TMEM165: variants seen among roughly 807,000 people sequenced by gnomAD.
TMEM165 encodes transmembrane protein 165, also known as putative divalent cation/proton antiporter TMEM165.
A neutral mutation model predicts 30.0 loss-of-function variants in TMEM165; 19 were observed. That is an observed-to-expected ratio of 0.63 (90% CI 0.44 to 0.93). TMEM165 has a LOEUF of 0.93. TMEM165 is among the 40% of genes least tolerant of loss of function. The pLI, the probability that TMEM165 is intolerant of heterozygous loss-of-function variation, is 0.00. For synonymous variants in TMEM165, 168 were observed against 162.9 expected (o/e 1.03, Z -0.24); for missense variants, 340 against 417.0 (o/e 0.82, Z 1.61).
intron 3 of TMEM165, chr4:55,450,142 A>G: frequency 5.6e-6 from 9 of 1,614,076 alleles, no homozygotes; most frequent in Non-Finnish European, 7.6e-6. Flanking sequence ...CTCCGAGAAG[A>G]GGCAGAAGGG....
At chr4:55,436,389 T>C (rs1722878209) in intron 3 of TMEM165, among the ~76,000 whole-genome samples, 1 of 152,196 alleles carries the variant, frequency 6.6e-6, no homozygotes, top group Admixed American at 6.5e-5. Flanking sequence ...AAGACTCAAA[T>C]AGATGAGCCT....
downstream of TMEM165, chr4:55,430,799 GA>G (rs1361488332): frequency 6.6e-6 from 1 of 152,134 alleles, no homozygotes; most frequent in Non-Finnish European, 1.5e-5. Context: ...CTAGACCTCT[GA>G]AAAATAAACA....
At chr4:55,403,395 GA>G (rs1721118099) in intron 1 of TMEM165, 1 of 864,266 alleles carries the variant, frequency 1.2e-6, no homozygotes, top group Non-Finnish European at 1.5e-6. Flanking sequence ...TCTAGAACTA[GA>G]AAAGGAATTA....
At chr4:55,453,008 T>C (rs369305240) in exon 4 of TMEM165, 217 of 1,318,142 alleles carry the variant, frequency 1.6e-4, no homozygotes, top group Non-Finnish European at 2.0e-4. Flanking sequence ...TCATCTTTTA[T>C]TGGGGAGAAA....
At chr4:55,450,500 G>C (rs1228858262) in intron 3 of TMEM165, among the ~76,000 whole-genome samples, 1 of 152,182 alleles carries the variant, frequency 6.6e-6, no homozygotes, top group Non-Finnish European at 1.5e-5. Flanking sequence ...AGGTGTGGTG[G>C]CTTACACCTG....
intron 2 of TMEM165, among the ~76,000 whole-genome samples, chr4:55,412,308 C>T (rs547448493): frequency 2.2e-5 from 3 of 138,032 alleles, no homozygotes; most frequent in Non-Finnish European, 3.1e-5. Flanking sequence ...GCAGGAGAAT[C>T]GCTTGAACCC....
chr4:55,448,594 A>C (rs4864991), intron 3 of TMEM165, among the ~76,000 whole-genome samples: 1 of 81,342 alleles, frequency 1.2e-5, no homozygotes, highest in African/African-American at 4.5e-5. Context: ...GCGCGCGCGC[A>C]CGCGCGCGTG....
chr4:55,448,970 T>C, intron 3 of TMEM165: 1 of 941,976 alleles, frequency 1.1e-6, no homozygotes, highest in South Asian at 1.4e-5. Context: ...AAACTTACCA[T>C]TTGCCTCATA....
intron 3 of TMEM165, chr4:55,435,064 C>T: frequency 3.0e-6 from 1 of 338,146 alleles, no homozygotes; most frequent in Non-Finnish European, 5.8e-6. Context: ...GGCACAGAAC[C>T]ACTAAAAGTT....
At chr4:55,406,455 G>C (rs1721271046) in intron 1 of TMEM165, among the ~76,000 whole-genome samples, 1 of 152,090 alleles carries the variant, frequency 6.6e-6, no homozygotes, top group South Asian at 2.1e-4. Context: ...CCTGTTTCTT[G>C]AGACGTGGTG....
chr4:55,445,934 G>A (rs1179892344), intron 3 of TMEM165, among the ~76,000 whole-genome samples: 3 of 151,614 alleles, frequency 2.0e-5, no homozygotes, highest in Admixed American at 6.6e-5. Flanking sequence ...ACTTCTTTTA[G>A]GAGTTAATCC....
At chr4:55,450,092 G>T (rs1021759630) in intron 3 of TMEM165, 2 of 1,614,126 alleles carry the variant, frequency 1.2e-6, no homozygotes, top group Non-Finnish European at 8.5e-7. Context: ...GGTACTCACA[G>T]GAAGGGTCTG....
At chr4:55,446,329 T>TGC (rs1158418707) in intron 3 of TMEM165, among the ~76,000 whole-genome samples, 2 of 151,984 alleles carry the variant, frequency 1.3e-5, no homozygotes, top group African/African-American at 4.8e-5. Context: ...GCTCAGGCAA[T>TGC]CCTCCCACAA....
intron 3 of TMEM165, chr4:55,434,679 G>A (rs1299145426): frequency 2.0e-5 from 3 of 152,508 alleles, no homozygotes; most frequent in African/African-American, 4.8e-5. Context: ...AAAAACTTGT[G>A]CCCCGGAAAA....
chr4:55,415,442 C>G (rs189496347), intron 2 of TMEM165: 2 of 152,180 alleles, frequency 1.3e-5, no homozygotes, highest in East Asian at 3.9e-4. Flanking sequence ...CCTGCTCTGC[C>G]CAGTCCTGGA....
chr4:55,417,730 A>T, intron 3 of TMEM165, 73 bp from the exon 4 acceptor site: 2 of 1,247,412 alleles, frequency 1.6e-6, no homozygotes, highest in African/African-American at 1.5e-5. Context: ...AACACTTAGA[A>T]AAGTCAAGTG....
chr4:55,435,464 C>G, intron 3 of TMEM165: 3 of 1,613,970 alleles, frequency 1.9e-6, no homozygotes, highest in Non-Finnish European at 2.5e-6. Flanking sequence ...AGTCCTGTGC[C>G]GGCTGAGTTG....
chr4:55,419,913 A>G (rs1721891845), intron 4 of TMEM165, among the ~76,000 whole-genome samples: 1 of 151,380 alleles, frequency 6.6e-6, no homozygotes, highest in Non-Finnish European at 1.5e-5. Flanking sequence ...TTTGATTCTC[A>G]TAAAACAAAC....
chr4:55,442,742 G>A lies in TMEM165; in HGVS notation c.409-9497G>A, dbSNP rs188176025. On this transcript the variant is annotated intron_variant, in intron 3 of 3. Transcript: ENST00000608091. ...ATATGACAATATGACAGAGAAAGAA[G>A]TGGCAGGATATATTACTCTGGGGGA... The A allele has an allele frequency of 8.1e-4, 797 of 987,056 alleles. 21 individuals carry two copies. The East Asian group carries it at 0.017, about 21-fold the overall frequency. 61.1% of individuals were successfully genotyped at this position (987,056 alleles called of 1,614,324 possible). A position where few individuals can be genotyped will look rare whatever the true frequency, so the allele number is the denominator to read the frequency against.
Sources: allele counts gnomAD v4.1 joint callset (sites outside exome capture counted in the v4.1 genomes callset), GRCh38; gene constraint gnomAD v4.1.1; transcripts MANE v1.5; gene names NCBI Gene and HGNC (gene_info 2026-07-23, HGNC 2026-07-21).